Variants in LRRC7 observed in about 807,000 individuals in gnomAD.
The protein encoded by LRRC7 is leucine-rich repeat-containing protein 7.
Under a neutral mutation model 175.7 loss-of-function variants are expected in LRRC7, and 23 were observed. That is an observed-to-expected ratio of 0.13 (90% CI 0.09 to 0.19). LRRC7 has a LOEUF of 0.19. Among genes scored for constraint, LRRC7 ranks in the 10% least tolerant of loss-of-function variants. The pLI is 1.00. For missense variants in LRRC7, 1,354 were observed against 1,904.7 expected (o/e 0.71, Z 5.38); for synonymous variants, 685 against 680.9 (o/e 1.01, Z -0.09).
intron 25 of LRRC7, among the ~76,000 whole-genome samples, chr1:70,102,679 T>A (rs920039148): frequency 1.5e-4 from 23 of 152,198 alleles, no homozygotes; most frequent in Non-Finnish European, 2.9e-4. Context: ...TTCAGACTTT[T>A]GATAATTAAA....
At chr1:70,037,286 T>C (rs532130177) in intron 20 of LRRC7, among the ~76,000 whole-genome samples, 6 of 152,376 alleles carry the variant, frequency 3.9e-5, no homozygotes, top group African/African-American at 1.4e-4. Flanking sequence ...ACTCATATTT[T>C]ACTGATAATA....
intron 5 of LRRC7, among the ~76,000 whole-genome samples, chr1:69,828,323 A>G (rs962574865): frequency 2.6e-5 from 4 of 152,124 alleles, no homozygotes; most frequent in Non-Finnish European, 5.9e-5. Context: ...TGGTATGTAT[A>G]TGTTTAACCT....
chr1:69,868,947 C>T (rs1490263960), intron 7 of LRRC7, among the ~76,000 whole-genome samples: 1 of 150,712 alleles, frequency 6.6e-6, no homozygotes, highest in Admixed American at 6.6e-5. Flanking sequence ...ATCTTAATCT[C>T]CTGTTTGTAT....
intron 2 of LRRC7, among the ~76,000 whole-genome samples, chr1:69,752,692 G>C (rs1002895548): frequency 2.6e-5 from 4 of 152,026 alleles, no homozygotes; most frequent in Non-Finnish European, 4.4e-5. Flanking sequence ...GTATTGAAAA[G>C]GAAGCTATTG....
chr1:69,916,109 T>A (rs9425143), intron 7 of LRRC7, among the ~76,000 whole-genome samples: 274 of 20,210 alleles, frequency 0.014, 8 homozygotes, highest in Middle Eastern at 0.042. Flanking sequence ...TTATATATAA[T>A]ATATATATTA....
chr1:69,788,205 C>T (rs1253221789), intron 3 of LRRC7, among the ~76,000 whole-genome samples: 1 of 152,158 alleles, frequency 6.6e-6, no homozygotes, highest in Non-Finnish European at 1.5e-5. Flanking sequence ...CTTAACCCAT[C>T]AAGGACCAAC....
Position 69,888,518 on chromosome 1 carries a change from G to T in LRRC7, c.648-42989G>T, listed in dbSNP as rs566954245. Among the ~76,000 whole-genome samples the T allele has an allele frequency of 6.6e-5, 10 of 152,190 alleles. No individual in the cohort carries two copies. The East Asian group carries it at 1.7e-3, about 27-fold the overall frequency. The stretch of plus-strand genomic sequence containing the variant: ...CCCACTGACCTGCACCCACTGTCTG[G>T]CACTCCCTAGTGAGATGAACCCGGT... On this transcript the variant is annotated intron_variant, in intron 7 of 26. Transcript: ENST00000651989.
chr1:70,081,819 G>A (rs1466873212), intron 24 of LRRC7, among the ~76,000 whole-genome samples: 1 of 152,140 alleles, frequency 6.6e-6, no homozygotes, highest in Non-Finnish European at 1.5e-5. Context: ...CATCAGAATA[G>A]CAGGAGCTCC....
rs1410633778 is a variant in LRRC7, at chr1:70,136,944, C to T, written c.*15057C>T. Among the ~76,000 whole-genome samples the T allele has an allele frequency of 1.3e-5, 2 of 151,560 alleles. No homozygotes were observed. The highest frequency in any genetic ancestry group is 2.4e-5 in the African/African-American group (1 of 41,218). ...CTTGCTATGTTGCCCAGGCTGGTCT[C>T]GAACTCCTGAGCTCAAGTGATCCTC... is the stretch of plus-strand genomic sequence containing the variant. On this transcript the variant is annotated 3_prime_UTR_variant, in exon 27 of 27. Coordinates refer to ENST00000651989, the MANE Select transcript of LRRC7 (RefSeq NM_001370785.2).
chr1:69,793,007 C>G (rs754865368), intron 4 of LRRC7, among the ~76,000 whole-genome samples: 1 of 151,920 alleles, frequency 6.6e-6, no homozygotes, highest in Non-Finnish European at 1.5e-5. Context: ...AAATAGGACC[C>G]CTTCATCATT....
chr1:69,831,487 C>T (rs987891460), intron 5 of LRRC7, among the ~76,000 whole-genome samples: 3 of 151,876 alleles, frequency 2.0e-5, no homozygotes, highest in African/African-American at 7.3e-5. Context: ...GACTGTAAAC[C>T]CTGCCCTCTC....
rs374322528 is a variant in LRRC7 at position 69,923,496 on chromosome 1, T to G, written c.648-8011T>G. 4.9e-3 allele frequency among the ~76,000 whole-genome samples: 751 copies of G among 152,240 alleles called. 20 individuals are homozygous for G. In the East Asian group the frequency reaches 0.077, roughly 16 times the overall value. The stretch of plus-strand genomic sequence containing the variant: ...CAGCACCTGTTGTTTCCTGACTTTT[T>G]AATGATTGCCATTCTAACTGGTGTG... On this transcript the variant is annotated intron_variant, in intron 7 of 26. Coordinates refer to ENST00000651989, the MANE Select transcript of LRRC7 (RefSeq NM_001370785.2).
intron 7 of LRRC7, among the ~76,000 whole-genome samples, chr1:69,904,275 AT>A (rs1357283990): frequency 6.6e-5 from 10 of 152,184 alleles, no homozygotes; most frequent in Non-Finnish European, 1.3e-4. Context: ...TTTTTGAGTA[AT>A]TTTTTGGAAG....
At chr1:69,667,107 T>G (rs1310147811) in intron 1 of LRRC7, among the ~76,000 whole-genome samples, 1 of 152,194 alleles carries the variant, frequency 6.6e-6, no homozygotes, top group Non-Finnish European at 1.5e-5. Context: ...TGTGTTTGTG[T>G]ATTTTCCAAA....
intron 19 of LRRC7, 89 bp downstream of exon 19, chr1:70,036,321 ATACAAATGTTT>A: frequency 7.2e-7 from 1 of 1,379,916 alleles, no homozygotes; most frequent in Admixed American, 2.0e-5. Flanking sequence ...ACCATATTCT[ATACAAATGTTT>A]TACAAATATG....
At position 69,771,849 on chromosome 1, in the gene LRRC7, G is replaced by A. The variant is rs190908050; in HGVS notation, c.303+11456G>A. On this transcript the variant is annotated intron_variant, in intron 3 of 26. Transcript: ENST00000651989. Reference sequence around the variant, plus strand: ...GAAAATAAAGCAGGGGTCCAGGCACGGTGGCTCACACCTGCAATCCCAGCA... The same window carrying A: ...GAAAATAAAGCAGGGGTCCAGGCACAGTGGCTCACACCTGCAATCCCAGCA... Among the ~76,000 whole-genome samples the A allele has an allele frequency of 2.7e-4, 41 of 152,216 alleles. No individual in the cohort carries two copies. The East Asian group carries it at 7.0e-3, about 26-fold the overall frequency.
chr1:69,943,925 C>A (rs574103338), intron 8 of LRRC7, among the ~76,000 whole-genome samples: 53 of 147,154 alleles, frequency 3.6e-4, no homozygotes, highest in Non-Finnish European at 6.9e-4. Context: ...TTTTTTTTTT[C>A]AGTTCTTATT....
intron 7 of LRRC7, among the ~76,000 whole-genome samples, chr1:69,925,537 A>G (rs1647040011): frequency 1.3e-5 from 2 of 151,988 alleles, no homozygotes; most frequent in African/African-American, 2.4e-5. Flanking sequence ...GGGAGGGTGT[A>G]TGTGTCGAGG....
intron 2 of LRRC7, among the ~76,000 whole-genome samples, chr1:69,758,598 C>T (rs943766910): frequency 1.1e-4 from 17 of 151,956 alleles, no homozygotes; most frequent in African/African-American, 4.1e-4. Context: ...CAGATTATTT[C>T]ATCACCCAGA....
Sources: allele counts gnomAD v4.1 joint callset (sites outside exome capture counted in the v4.1 genomes callset), GRCh38; gene constraint gnomAD v4.1.1; transcripts MANE v1.5; gene names NCBI Gene and HGNC (gene_info 2026-07-23, HGNC 2026-07-21).